The following KCNQ3 variants were observed in gnomAD, a reference collection of about 807,000 sequenced individuals.
The protein encoded by KCNQ3 is potassium voltage-gated channel subfamily Q member 3.
KCNQ3 carries 30 observed loss-of-function variants against 92.5 expected under a neutral mutation model. That is an observed-to-expected ratio of 0.32 (90% CI 0.24 to 0.44). KCNQ3 has a LOEUF of 0.44. Among genes scored for constraint, KCNQ3 ranks in the 20% least tolerant of loss-of-function variants. KCNQ3 has a pLI of 1.00. For missense variants in KCNQ3, 913 were observed against 1,140.3 expected (o/e 0.80, Z 2.87); for synonymous variants, 450 against 468.8 (o/e 0.96, Z 0.52).
At chr8:132,429,736 C>T (rs1176094106) in intron 1 of KCNQ3, among the ~76,000 whole-genome samples, 3 of 151,842 alleles carry the variant, frequency 2.0e-5, no homozygotes. Context: ...GTGGCAGATG[C>T]TGTAATCCCA....
chr8:132,180,630 C>T (rs559490318), intron 3 of KCNQ3, among the ~76,000 whole-genome samples: 6 of 152,208 alleles, frequency 3.9e-5, no homozygotes, highest in South Asian at 2.1e-4. Context: ...CAAGGCCCCC[C>T]GCAGTGTGGT....
chr8:132,309,778 T>C (rs1431852193), intron 1 of KCNQ3, among the ~76,000 whole-genome samples: 1 of 152,198 alleles, frequency 6.6e-6, no homozygotes, highest in Non-Finnish European at 1.5e-5. Flanking sequence ...TCTTACAAAC[T>C]GGTCCCCTCT....
chr8:132,332,132 C>T (rs553651481), intron 1 of KCNQ3, among the ~76,000 whole-genome samples: 24 of 152,274 alleles, frequency 1.6e-4, no homozygotes, highest in Middle Eastern at 3.4e-3. Flanking sequence ...TCCTTGCATG[C>T]TCTCTCTCAC....
rs528273490 is a variant in KCNQ3 at position 132,156,799 on chromosome 8, CAAGTA to C, written c.1262+6664_1262+6668del. On this transcript the variant is annotated intron_variant, in intron 9 of 14. Transcript: ENST00000388996. ...GAAATAGGGTCTTTGCTGATGGAAT[CAAGTA>C]AAGATGAGGGCATATTGAATTAGGG... is the stretch of plus-strand genomic sequence containing the variant. 5.3e-3 allele frequency among the ~76,000 whole-genome samples: 803 copies of C among 152,178 alleles called. 11 individuals are homozygous for C. Among genetic ancestry groups the C allele is most frequent in the African/African-American group, 0.018 (767 of 41,488 alleles).
chr8:132,213,539 A>G (rs1238600116), intron 1 of KCNQ3, among the ~76,000 whole-genome samples: 1 of 152,178 alleles, frequency 6.6e-6, no homozygotes, highest in African/African-American at 2.4e-5. Context: ...CCAAGACCCA[A>G]TCCAATCCCA....
intron 1 of KCNQ3, among the ~76,000 whole-genome samples, chr8:132,355,214 A>G (rs555886022): frequency 6.6e-6 from 1 of 152,092 alleles, no homozygotes; most frequent in Non-Finnish European, 1.5e-5. Context: ...TGCATAAATT[A>G]CTGGTATAAA....
At chr8:132,175,866 T>G (rs1301385202) in intron 4 of KCNQ3, among the ~76,000 whole-genome samples, 1 of 152,202 alleles carries the variant, frequency 6.6e-6, no homozygotes, top group African/African-American at 2.4e-5. Flanking sequence ...CACTTCAATA[T>G]CACAGCTCAA....
At chr8:132,191,634 A>T (rs1330193699) in intron 1 of KCNQ3, among the ~76,000 whole-genome samples, 1 of 146,884 alleles carries the variant, frequency 6.8e-6, no homozygotes, top group Non-Finnish European at 1.5e-5. Flanking sequence ...ATATATAATT[A>T]ATATATATAA....
chr8:132,274,612 T>G (rs1243910140), intron 1 of KCNQ3, among the ~76,000 whole-genome samples: 1 of 152,246 alleles, frequency 6.6e-6, no homozygotes, highest in African/African-American at 2.4e-5. Context: ...ATTGTCCATG[T>G]TATATTTCAT....
chr8:132,468,409 C>T (rs2597372), intron 1 of KCNQ3, among the ~76,000 whole-genome samples: 139,057 of 152,290 alleles, frequency 0.91, 63,542 homozygotes, highest in East Asian at 0.93. Flanking sequence ...ACCATCAAGG[C>T]AGAAATAAAC....
At chr8:132,286,013 G>T (rs147028911) in intron 1 of KCNQ3, among the ~76,000 whole-genome samples, 50 of 152,288 alleles carry the variant, frequency 3.3e-4, no homozygotes, top group African/African-American at 1.2e-3. Context: ...CAGGTGTGCA[G>T]AATGTAAGAG....
chr8:132,206,728 TTC>T (rs1169273387), intron 1 of KCNQ3, among the ~76,000 whole-genome samples: 1 of 152,322 alleles, frequency 6.6e-6, no homozygotes, highest in Admixed American at 6.5e-5. Context: ...TATCTGCATC[TTC>T]TCTCTCTTTT....
chr8:132,198,692 A>G (rs1827375046), intron 1 of KCNQ3, among the ~76,000 whole-genome samples: 1 of 152,118 alleles, frequency 6.6e-6, no homozygotes, highest in South Asian at 2.1e-4. Flanking sequence ...CTGCAATCCC[A>G]GCTACTTGGG....
At chr8:132,263,903 CTT>C (rs951912050) in intron 1 of KCNQ3, among the ~76,000 whole-genome samples, 54 of 152,178 alleles carry the variant, frequency 3.5e-4, no homozygotes, top group African/African-American at 1.3e-3. Flanking sequence ...TGAGCCACCT[CTT>C]GTCTCACCCT....
chr8:132,469,932 T>TC (rs895174334), intron 1 of KCNQ3, among the ~76,000 whole-genome samples: 4 of 151,968 alleles, frequency 2.6e-5, no homozygotes, highest in African/African-American at 9.7e-5. Context: ...CTTCGTCTCA[T>TC]CCCTGGCTGC....
intron 1 of KCNQ3, among the ~76,000 whole-genome samples, chr8:132,312,343 A>T (rs752399787): frequency 1.1e-4 from 16 of 152,218 alleles, no homozygotes; most frequent in Non-Finnish European, 1.6e-4. Flanking sequence ...GAATCAGCAG[A>T]TACTGTTTTC....
At chr8:132,196,513 C>T (rs1277633474) in intron 1 of KCNQ3, among the ~76,000 whole-genome samples, 1 of 152,198 alleles carries the variant, frequency 6.6e-6, no homozygotes, top group African/African-American at 2.4e-5. Flanking sequence ...CTCTTGTAAG[C>T]CAATCTGGAG....
At chr8:132,455,264 G>A (rs1291335414) in intron 1 of KCNQ3, among the ~76,000 whole-genome samples, 1 of 151,982 alleles carries the variant, frequency 6.6e-6, no homozygotes, top group Non-Finnish European at 1.5e-5. Flanking sequence ...GTGCCACCAC[G>A]TCTGTCTAAT....
chr8:132,317,000 A>T (rs1817763526), intron 1 of KCNQ3, among the ~76,000 whole-genome samples: 1 of 152,234 alleles, frequency 6.6e-6, no homozygotes, highest in Non-Finnish European at 1.5e-5. Flanking sequence ...GACAATTTAC[A>T]CATCTGTCCT....
Sources: allele counts gnomAD v4.1 joint callset (sites outside exome capture counted in the v4.1 genomes callset), GRCh38; gene constraint gnomAD v4.1.1; transcripts MANE v1.5; gene names NCBI Gene and HGNC (gene_info 2026-07-23, HGNC 2026-07-21).